The following NUBPL variants were observed in gnomAD, a reference collection of about 807,000 sequenced individuals.
NUBPL encodes NUBP iron-sulfur cluster assembly factor, mitochondrial, also known as iron-sulfur cluster transfer protein NUBPL.
Under a neutral mutation model 45.7 loss-of-function variants are expected in NUBPL, and 31 were observed. That is an observed-to-expected ratio of 0.68 (90% confidence interval 0.51 to 0.92). NUBPL has a LOEUF of 0.92. NUBPL is among the 40% of genes least tolerant of loss of function. NUBPL has a pLI of 0.00. For missense variants in NUBPL, 401 were observed against 398.7 expected (o/e 1.01, Z -0.05); for synonymous variants, 144 against 140.9 (o/e 1.02, Z -0.15).
At chr14:31,562,040 G>C in intron 1 of NUBPL, 28 bp from the exon 2 acceptor site, 1 of 1,550,334 alleles carries the variant, frequency 6.5e-7, no homozygotes, top group South Asian at 1.2e-5. Flanking sequence ...TATTTAAAAC[G>C]GCTTTTTATT....
rs1432897484 is a variant in NUBPL at position 31,814,792 on chromosome 14, G to T, written c.608-11837G>T. Among the ~76,000 whole-genome samples, 17 of 152,204 alleles carry T rather than the reference G, an allele frequency of 1.1e-4. No homozygotes were observed. The East Asian group carries it at 3.3e-3, about 29-fold the overall frequency. Reference sequence around the variant, plus strand: ...TTCCCAACATCACTTATTAAATAGGGAATCCTTTCCCCATTGCTGGTTTTT... The same window carrying T: ...TTCCCAACATCACTTATTAAATAGGTAATCCTTTCCCCATTGCTGGTTTTT... On this transcript the variant is annotated intron_variant, in intron 7 of 10. Coordinates refer to ENST00000281081, the MANE Select transcript of NUBPL (RefSeq NM_025152.3).
intron 6 of NUBPL, among the ~76,000 whole-genome samples, chr14:31,743,071 T>C (rs982928374): frequency 6.6e-6 from 1 of 152,172 alleles, no homozygotes; most frequent in Non-Finnish European, 1.5e-5. Flanking sequence ...ACCTTACTTA[T>C]AGGGAGCTGG....
At chr14:31,821,357 C>A (rs1183743053) in intron 7 of NUBPL, among the ~76,000 whole-genome samples, 1 of 152,072 alleles carries the variant, frequency 6.6e-6, no homozygotes, top group Admixed American at 6.6e-5. Flanking sequence ...ATCTAACAAT[C>A]CTGTTTAAAA....
intron 6 of NUBPL, among the ~76,000 whole-genome samples, chr14:31,683,060 A>G (rs1342094216): frequency 1.3e-5 from 2 of 149,012 alleles, no homozygotes; most frequent in South Asian, 2.1e-4. Context: ...GTAGAAACTA[A>G]TAGAGTGAGA....
Position 31,750,454 on chromosome 14 carries a change from C to T in NUBPL, c.514-37326C>T, listed in dbSNP as rs536263362. On this transcript the variant is annotated intron_variant, in intron 6 of 10. Coordinates refer to ENST00000281081, the MANE Select transcript of NUBPL (RefSeq NM_025152.3). ...CCTCGTGATCCTCCCGCCTCGGCCT[C>T]CCAAAGTGCTGGGATTACAAGCGTG... is the stretch of plus-strand genomic sequence containing the variant. Among the ~76,000 whole-genome samples, 8 of 151,612 alleles carry T rather than the reference C, an allele frequency of 5.3e-5. No homozygotes were observed. The South Asian group carries it at 1.3e-3, about 24-fold the overall frequency.
chr14:31,628,541 T>C (rs1284378096), intron 4 of NUBPL, among the ~76,000 whole-genome samples: 1 of 152,380 alleles, frequency 6.6e-6, no homozygotes, highest in East Asian at 1.9e-4. Flanking sequence ...AATTTTGTCA[T>C]AGACAACAAG....
chr14:31,762,241 A>G (rs1247379267), intron 6 of NUBPL, among the ~76,000 whole-genome samples: 2 of 152,232 alleles, frequency 1.3e-5, no homozygotes, highest in African/African-American at 4.8e-5. Flanking sequence ...CTGCTCAATC[A>G]TTTGGGAAGT....
intron 6 of NUBPL, among the ~76,000 whole-genome samples, chr14:31,769,654 C>CT (rs200176265): frequency 0.049 from 7,374 of 149,260 alleles, 231 homozygotes; most frequent in African/African-American, 0.073. Context: ...TAACCCTCTC[C>CT]TTTTTTTTAA....
chr14:31,632,867 C>A (rs1445337569), intron 4 of NUBPL, among the ~76,000 whole-genome samples: 2 of 152,112 alleles, frequency 1.3e-5, no homozygotes, highest in East Asian at 1.9e-4. Flanking sequence ...ATATTCACGT[C>A]CATAAAAGTG....
At chr14:31,635,467 G>A (rs1159752221) in intron 4 of NUBPL, among the ~76,000 whole-genome samples, 1 of 151,994 alleles carries the variant, frequency 6.6e-6, no homozygotes, top group Non-Finnish European at 1.5e-5. Flanking sequence ...TTTGGTACCA[G>A]TACCATGCTG....
chr14:31,657,520 C>A (rs1475322956), intron 4 of NUBPL, among the ~76,000 whole-genome samples: 1 of 152,122 alleles, frequency 6.6e-6, no homozygotes, highest in Non-Finnish European at 1.5e-5. Flanking sequence ...TATTTATTTT[C>A]TATTTTTGTC....
intron 4 of NUBPL, among the ~76,000 whole-genome samples, chr14:31,640,107 G>C (rs1447514546): frequency 6.6e-6 from 1 of 152,122 alleles, no homozygotes; most frequent in African/African-American, 2.4e-5. Flanking sequence ...TGCGCCCACT[G>C]TCAGGCACTC....
chr14:31,701,217 T>C (rs1167798124), intron 6 of NUBPL, among the ~76,000 whole-genome samples: 1 of 149,056 alleles, frequency 6.7e-6, no homozygotes, highest in Admixed American at 6.7e-5. Flanking sequence ...TAGCTGAAGG[T>C]TTGTAAATGC....
chr14:31,589,183 A>G (rs2034075913), intron 3 of NUBPL, among the ~76,000 whole-genome samples: 1 of 152,228 alleles, frequency 6.6e-6, no homozygotes, highest in Middle Eastern at 3.5e-3. Context: ...CTGGGCTTAG[A>G]TGCTAACATT....
chr14:31,674,933 G>A (rs1291347266), intron 6 of NUBPL, among the ~76,000 whole-genome samples: 4 of 152,134 alleles, frequency 2.6e-5, no homozygotes, highest in South Asian at 2.1e-4. Flanking sequence ...TCAGGAGATC[G>A]AGACCATCCT....
At chr14:31,637,818 A>G (rs1189583728) in intron 4 of NUBPL, among the ~76,000 whole-genome samples, 1 of 152,136 alleles carries the variant, frequency 6.6e-6, no homozygotes, top group African/African-American at 2.4e-5. Context: ...CTTCTTGTTG[A>G]ATTGATCCCT....
rs536544069 is a variant in NUBPL, at chr14:31,858,776, TC to T, written c.898-341del. 2.8e-3 allele frequency among the ~76,000 whole-genome samples: 419 copies of T among 152,232 alleles called. 2 individuals are homozygous for T. The highest frequency in any genetic ancestry group is 9.7e-3 in the African/African-American group (405 of 41,550). ...TAAAGAAGTTTTGGCAGTCTCTAAC[TC>T]AATATATCAATTTTTCAGAGCAAAA... On this transcript the variant is annotated intron_variant, in intron 10 of 10. Coordinates refer to ENST00000281081, the MANE Select transcript of NUBPL (RefSeq NM_025152.3).
intron 4 of NUBPL, among the ~76,000 whole-genome samples, chr14:31,640,614 CAAA>C (rs59871107): frequency 1.2e-4 from 12 of 97,014 alleles, no homozygotes; most frequent in Admixed American, 2.1e-4. Context: ...GACTCTGTCT[CAAA>C]AAAAAAAAAA....
chr14:31,566,409 G>A (rs4143988), intron 3 of NUBPL, among the ~76,000 whole-genome samples: 62,417 of 151,930 alleles, frequency 0.41, 14,310 homozygotes, highest in East Asian at 0.59. Flanking sequence ...CTAAAGTTGC[G>A]CTTCTAGAAA....
Sources: gnomAD v4.1 joint callset for allele counts (sites outside exome capture counted in the v4.1 genomes callset) on GRCh38, gnomAD v4.1.1 for gene constraint, MANE v1.5 for transcripts, NCBI Gene and HGNC (gene_info 2026-07-23, HGNC 2026-07-21) for gene names.